Variants in MBNL1 observed in about 807,000 individuals in gnomAD.
The protein encoded by MBNL1 is muscleblind like splicing regulator 1.
Under a neutral mutation model 42.2 loss-of-function variants are expected in MBNL1, and 8 were observed. That is an observed-to-expected ratio of 0.19 (90% CI 0.11 to 0.34). MBNL1 has a LOEUF of 0.34. Ranked by LOEUF, MBNL1 falls within the 10% of genes least tolerant of loss-of-function variation. The pLI, the probability that MBNL1 is intolerant of heterozygous loss-of-function variation, is 1.00. For synonymous variants in MBNL1, 169 were observed against 173.9 expected (o/e 0.97, Z 0.22); for missense variants, 309 against 495.3 (o/e 0.62, Z 3.57).
intron 3 of MBNL1, among the ~76,000 whole-genome samples, chr3:152,426,688 A>G (rs1410148747): frequency 1.3e-5 from 2 of 152,168 alleles, no homozygotes; most frequent in Admixed American, 6.5e-5. Context: ...TGTGATCCCA[A>G]AGTTAACCTT....
intron 2 of MBNL1, among the ~76,000 whole-genome samples, chr3:152,388,464 A>T (rs1367157290): frequency 1.3e-5 from 2 of 152,182 alleles, no homozygotes; most frequent in Admixed American, 6.5e-5. Flanking sequence ...TATTAACCCT[A>T]CCAGTCCCAG....
At chr3:152,363,665 C>T (rs11923684) in intron 2 of MBNL1, among the ~76,000 whole-genome samples, 10,848 of 152,180 alleles carry the variant, frequency 0.071, 506 homozygotes, top group Middle Eastern at 0.16. Flanking sequence ...TACATGGTTT[C>T]ATTCAGTCTA....
At position 152,398,292 on chromosome 3, in the gene MBNL1, C is replaced by T. The variant is rs186634432; in HGVS notation, c.175-16649C>T. Among the ~76,000 whole-genome samples, 364 of 151,638 alleles carry T rather than the reference C, an allele frequency of 2.4e-3. 1 individual carries two copies. The highest frequency in any genetic ancestry group is 8.4e-3 in the African/African-American group (347 of 41,332). ...TGATTAAAAATTAGGCCCATCTACTCATTCTTTCTGTTTATGTTAGTGCAT... is the reference window on the plus strand; with the variant it reads ...TGATTAAAAATTAGGCCCATCTACTTATTCTTTCTGTTTATGTTAGTGCAT... On this transcript the variant is annotated intron_variant, in intron 2 of 9. Coordinates refer to ENST00000324210, the MANE Select transcript of MBNL1 (RefSeq NM_021038.5).
At chr3:152,398,934 A>G (rs996798058) in intron 2 of MBNL1, among the ~76,000 whole-genome samples, 1 of 152,184 alleles carries the variant, frequency 6.6e-6, no homozygotes, top group African/African-American at 2.4e-5. Context: ...CTCTTCATGT[A>G]TAAATTTAGC....
At chr3:152,422,348 CAAAG>C (rs1166894338) in intron 3 of MBNL1, among the ~76,000 whole-genome samples, 65 of 147,488 alleles carry the variant, frequency 4.4e-4, no homozygotes, top group African/African-American at 1.6e-3. Flanking sequence ...TCAAAAAAGA[CAAAG>C]AAGGGCATTA....
chr3:152,291,231 GAA>G, intron 1 of MBNL1, among the ~76,000 whole-genome samples: 1 of 152,190 alleles, frequency 6.6e-6, no homozygotes, highest in Non-Finnish European at 1.5e-5. Flanking sequence ...AATAGCATCA[GAA>G]AAAATGCAGT....
At chr3:152,305,698 A>G (rs2062752693) in intron 2 of MBNL1, among the ~76,000 whole-genome samples, 1 of 152,194 alleles carries the variant, frequency 6.6e-6, no homozygotes, top group South Asian at 2.1e-4. Flanking sequence ...CTTGATAGAA[A>G]TTCTGAGTTG....
At chr3:152,349,089 C>G (rs1039610520) in intron 2 of MBNL1, among the ~76,000 whole-genome samples, 7 of 152,060 alleles carry the variant, frequency 4.6e-5, no homozygotes, top group African/African-American at 1.7e-4. Context: ...GACAGGGAAG[C>G]AAGATCAGGT....
chr3:152,267,198 G>C (rs1448466833), upstream of MBNL1: 1 of 152,830 alleles, frequency 6.5e-6, no homozygotes. Flanking sequence ...ACAGGTGTGA[G>C]CCATGCCATC....
At chr3:152,252,030 G>A (rs1191517388) in intron 2 of MBNL1, among the ~76,000 whole-genome samples, 1 of 151,890 alleles carries the variant, frequency 6.6e-6, no homozygotes, top group African/African-American at 2.4e-5. Flanking sequence ...GTTTGTTACT[G>A]GTATGGATTC....
At chr3:152,372,703 A>G (rs1043509107) in intron 2 of MBNL1, among the ~76,000 whole-genome samples, 1 of 152,122 alleles carries the variant, frequency 6.6e-6, no homozygotes, top group Non-Finnish European at 1.5e-5. Flanking sequence ...GCCAGATGCT[A>G]GTGGAGCTCT....
chr3:152,383,163 CT>C (rs2153421486), intron 2 of MBNL1, among the ~76,000 whole-genome samples: 2 of 152,210 alleles, frequency 1.3e-5, no homozygotes, highest in African/African-American at 4.8e-5. Flanking sequence ...TTTGTGCAAA[CT>C]GCCTTGCTCT....
chr3:152,334,949 G>A (rs144668607), intron 2 of MBNL1, among the ~76,000 whole-genome samples: 66 of 152,244 alleles, frequency 4.3e-4, no homozygotes, highest in African/African-American at 1.5e-3. Context: ...GCAGACGTAC[G>A]GGCAAACTCT....
chr3:152,258,583 C>G (rs1034176707), intron 2 of MBNL1, among the ~76,000 whole-genome samples: 3 of 152,160 alleles, frequency 2.0e-5, no homozygotes, highest in African/African-American at 7.2e-5. Context: ...AAGGTTGCAG[C>G]AAAGACCAAG....
chr3:152,376,772 C>A (rs959880343), intron 2 of MBNL1, among the ~76,000 whole-genome samples: 4 of 151,054 alleles, frequency 2.6e-5, no homozygotes, highest in Non-Finnish European at 4.5e-5. Flanking sequence ...CGCACTCTCT[C>A]TATATATATA....
intron 2 of MBNL1, among the ~76,000 whole-genome samples, chr3:152,398,016 A>G (rs1579506079): frequency 6.6e-6 from 1 of 152,228 alleles, no homozygotes; most frequent in Non-Finnish European, 1.5e-5. Context: ...TTCACAATTT[A>G]TTTTTAAAAA....
intron 2 of MBNL1, among the ~76,000 whole-genome samples, chr3:152,347,726 T>C (rs6440799): frequency 0.55 from 83,943 of 151,936 alleles, 23,535 homozygotes; most frequent in Middle Eastern, 0.64. Context: ...TTCTCGGAAG[T>C]ATACCTGCCG....
chr3:152,335,729 TTG>T (rs1018293489), intron 2 of MBNL1, among the ~76,000 whole-genome samples: 2 of 152,098 alleles, frequency 1.3e-5, no homozygotes, highest in Non-Finnish European at 2.9e-5. Context: ...CAATTAAAAA[TTG>T]GAAGAAATAA....
intron 1 of MBNL1, among the ~76,000 whole-genome samples, chr3:152,274,710 TC>T (rs1179029346): frequency 6.6e-6 from 1 of 152,198 alleles, no homozygotes; most frequent in Admixed American, 6.5e-5. Context: ...ATGTTTTAAT[TC>T]ATTTATTTAT....
Sources: gnomAD v4.1 joint callset for allele counts (sites outside exome capture counted in the v4.1 genomes callset) on GRCh38, gnomAD v4.1.1 for gene constraint, MANE v1.5 for transcripts, NCBI Gene and HGNC (gene_info 2026-07-23, HGNC 2026-07-21) for gene names.